SOX5: variants seen among roughly 807,000 people sequenced by gnomAD.
SOX5 encodes the protein transcription factor SOX-5.
SOX5 carries 9 observed loss-of-function variants against 92.0 expected under a neutral mutation model. The ratio of observed to expected loss-of-function variants is 0.10; its 90% CI spans 0.06 to 0.17. SOX5 has a LOEUF of 0.17. Ranked by LOEUF, SOX5 falls within the 10% of genes least tolerant of loss-of-function variation. The probability of loss-of-function intolerance (pLI) is 1.00; values close to 1 mark genes in which losing one functional copy is unlikely to be tolerated. For missense variants in SOX5, 642 were observed against 944.5 expected (o/e 0.68, Z 4.20); for synonymous variants, 344 against 336.3 (o/e 1.02, Z -0.25).
At chr12:23,594,002 T>C (rs1200067840) in intron 9 of SOX5, among the ~76,000 whole-genome samples, 5 of 152,196 alleles carry the variant, frequency 3.3e-5, no homozygotes, top group African/African-American at 2.4e-5. Flanking sequence ...TCCAAAACTC[T>C]TATGAGCACT....
intron 4 of SOX5, among the ~76,000 whole-genome samples, chr12:24,035,818 T>C (rs934869508): frequency 1.3e-5 from 2 of 152,068 alleles, no homozygotes; most frequent in African/African-American, 2.4e-5. Context: ...ATGATTTAAC[T>C]GTACAGTACC....
At chr12:24,401,708 TAAAAAAAAAAAAA>T (rs71063321) in intron 1 of SOX5, among the ~76,000 whole-genome samples, 15 of 99,454 alleles carry the variant, frequency 1.5e-4, no homozygotes, top group East Asian at 1.4e-3. Context: ...ACCCTATCTT[TAAAAAAAAAAAAA>T]AAAAAAAAAA....
At chr12:24,495,335 A>G (rs886745753) in intron 1 of SOX5, among the ~76,000 whole-genome samples, 3 of 152,228 alleles carry the variant, frequency 2.0e-5, no homozygotes, top group African/African-American at 7.2e-5. Flanking sequence ...AAGTAGGTTC[A>G]GAATCAGAGG....
chr12:24,121,759 G>A (rs892588540), intron 4 of SOX5, among the ~76,000 whole-genome samples: 4 of 151,272 alleles, frequency 2.6e-5, no homozygotes, highest in Admixed American at 6.6e-5. Context: ...GGTGGTAGGC[G>A]CCTGTAGTCC....
chr12:23,570,262 AT>A (rs908281450), intron 10 of SOX5, among the ~76,000 whole-genome samples: 3 of 152,220 alleles, frequency 2.0e-5, no homozygotes, highest in South Asian at 2.1e-4. Context: ...TAGGTAGACA[AT>A]TTTTTTATCT....
intron 1 of SOX5, among the ~76,000 whole-genome samples, chr12:24,549,105 G>A (rs1360896048): frequency 6.6e-6 from 1 of 151,702 alleles, no homozygotes; most frequent in Non-Finnish European, 1.5e-5. Context: ...TTTTTCTCCT[G>A]TCCTCATTAC....
At chr12:24,100,237 G>C (rs760945776) in intron 4 of SOX5, among the ~76,000 whole-genome samples, 2 of 151,804 alleles carry the variant, frequency 1.3e-5, no homozygotes, top group Non-Finnish European at 2.9e-5. Context: ...TATTTTTTAG[G>C]CTCCTTATTC....
chr12:23,996,149 T>C (rs1951009826), intron 4 of SOX5, among the ~76,000 whole-genome samples: 1 of 152,200 alleles, frequency 6.6e-6, no homozygotes, highest in African/African-American at 2.4e-5. Context: ...GTTGTACTGA[T>C]GAAGGGCTAC....
chr12:23,662,438 A>G (rs959210600), intron 7 of SOX5, among the ~76,000 whole-genome samples: 6 of 152,136 alleles, frequency 3.9e-5, no homozygotes, highest in African/African-American at 1.4e-4. Flanking sequence ...TATCTTTTCT[A>G]TCTGTCTAGT....
chr12:23,717,811 T>C (rs2092594136), intron 6 of SOX5, among the ~76,000 whole-genome samples: 1 of 152,240 alleles, frequency 6.6e-6, no homozygotes, highest in Admixed American at 6.5e-5. Context: ...GCTTCTCCTT[T>C]AAGTTAACAC....
rs181670557 is a variant in SOX5 at position 23,865,091 on chromosome 12, A to G, written c.271-18898T>C. Among the ~76,000 whole-genome samples, 21 of 152,352 alleles carry G rather than the reference A, an allele frequency of 1.4e-4. 1 individual carries two copies. Among genetic ancestry groups the G allele is most frequent in the Admixed American group, 7.8e-4 (12 of 15,308 alleles). ...GAAAATGCTAGGGCCCTAAAGAATT[A>G]TGCTAAATCGGCTCTGTCTTTGTCT... On this transcript the variant is annotated intron_variant, in intron 2 of 14. Transcript: ENST00000451604.
rs2096569338 is a variant in SOX5, at chr12:23,845,855, T to C, written c.481+128A>G. On this transcript the variant is annotated intron_variant, in intron 3 of 14. Coordinates refer to ENST00000451604, the MANE Select transcript of SOX5 (RefSeq NM_006940.6). ...GAAAAAAATATACCAACCGTCTTCA[T>C]AGCAATAGGTTTCCATCTTGCCCAA... 5.5e-6 allele frequency: 4 copies of C among 724,938 alleles called. No individual in the cohort carries two copies. In the East Asian group the frequency reaches 1.1e-4, roughly 19 times the overall value. The allele number at this position is 724,938 out of a possible 1,614,324, so 44.9% of individuals were successfully genotyped here.
At chr12:24,192,279 A>G (rs1406547131) in intron 4 of SOX5, among the ~76,000 whole-genome samples, 1 of 152,200 alleles carries the variant, frequency 6.6e-6, no homozygotes, top group East Asian at 1.9e-4. Context: ...ATTAATGGAC[A>G]AAATTTATGC....
chr12:23,956,312 CCAA>C (rs1946272888), intron 4 of SOX5, among the ~76,000 whole-genome samples: 1 of 152,112 alleles, frequency 6.6e-6, no homozygotes, highest in Non-Finnish European at 1.5e-5. Context: ...GCAGGGATCT[CCAA>C]CCCCCAAGGC....
chr12:24,557,861 A>G (rs902876135), intron 1 of SOX5, among the ~76,000 whole-genome samples: 6 of 152,220 alleles, frequency 3.9e-5, no homozygotes, highest in African/African-American at 1.4e-4. Context: ...ACTCCCCAAG[A>G]TACATTTTTA....
chr12:24,116,541 C>T (rs1020507448), intron 4 of SOX5, among the ~76,000 whole-genome samples: 2 of 152,064 alleles, frequency 1.3e-5, no homozygotes, highest in African/African-American at 2.4e-5. Flanking sequence ...CTGACAAAGT[C>T]ACAGTACTGC....
chr12:24,545,419 A>G (rs1490829664), intron 1 of SOX5, among the ~76,000 whole-genome samples: 4 of 151,994 alleles, frequency 2.6e-5, no homozygotes, highest in Non-Finnish European at 4.4e-5. Context: ...CCTGTGCTTG[A>G]GGAAATGCAT....
chr12:23,863,369 ATTCT>A (rs1471981679), intron 2 of SOX5, among the ~76,000 whole-genome samples: 4 of 152,106 alleles, frequency 2.6e-5, no homozygotes, highest in East Asian at 1.9e-4. Context: ...TATTTCTTTG[ATTCT>A]TTCTAACAGA....
chr12:23,639,104 T>G (rs1236909492), intron 8 of SOX5, among the ~76,000 whole-genome samples: 1 of 152,064 alleles, frequency 6.6e-6, no homozygotes, highest in Non-Finnish European at 1.5e-5. Flanking sequence ...AGTAAGAACA[T>G]ATATGTTTGG....
Sources: gnomAD v4.1 joint callset for allele counts (sites outside exome capture counted in the v4.1 genomes callset) on GRCh38, gnomAD v4.1.1 for gene constraint, MANE v1.5 for transcripts, NCBI Gene and HGNC (gene_info 2026-07-23, HGNC 2026-07-21) for gene names.